Variants in RABGAP1L observed in about 807,000 individuals in gnomAD.
The protein encoded by RABGAP1L is RAB GTPase activating protein 1 like.
In RABGAP1L, 63 loss-of-function variants were observed where a neutral mutation model predicts 137.7. That is an observed-to-expected ratio of 0.46 (90% CI 0.37 to 0.56). RABGAP1L has a LOEUF of 0.56. RABGAP1L is among the 20% of genes least tolerant of loss of function. The pLI, the probability that RABGAP1L is intolerant of heterozygous loss-of-function variation, is 0.00. For missense variants in RABGAP1L, 1,095 were observed against 1,244.0 expected (o/e 0.88, Z 1.80); for synonymous variants, 431 against 433.7 (o/e 0.99, Z 0.08).
intron 20 of RABGAP1L, among the ~76,000 whole-genome samples, chr1:174,966,828 A>G (rs1019935333): frequency 2.0e-5 from 3 of 152,206 alleles, no homozygotes; most frequent in East Asian, 3.8e-4. Flanking sequence ...GGAGGATCCA[A>G]TATGGTTTTG....
At chr1:174,942,549 C>T (rs1405976488) in intron 19 of RABGAP1L, among the ~76,000 whole-genome samples, 1 of 152,192 alleles carries the variant, frequency 6.6e-6, no homozygotes, top group Non-Finnish European at 1.5e-5. Context: ...AGCTGTGTGG[C>T]CTTGGGCAAG....
chr1:174,321,129 A>G (rs750121194), intron 11 of RABGAP1L, among the ~76,000 whole-genome samples: 2 of 152,130 alleles, frequency 1.3e-5, no homozygotes, highest in Non-Finnish European at 2.9e-5. Context: ...AATAAGCCCC[A>G]GTCTCCTGTA....
chr1:174,682,317 T>TACAC lies in RABGAP1L; in HGVS notation c.1825-1185_1825-1182dup, dbSNP rs531495515. ...CTCTCTATACATACATATATATATA[T>TACAC]ACACACACACACACACACACACATA... On this transcript the variant is annotated intron_variant, in intron 14 of 25. Coordinates refer to ENST00000681986, the MANE Select transcript of RABGAP1L (RefSeq NM_001366446.1). 1.4e-4 allele frequency among the ~76,000 whole-genome samples: 21 copies of TACAC among 148,642 alleles called. No individual in the cohort carries two copies. The East Asian group carries it at 2.0e-3, about 14-fold the overall frequency.
rs1187663041 is a variant in RABGAP1L, at chr1:174,761,628, C to G, written c.2211+9274C>G. On this transcript the variant is annotated intron_variant, in intron 18 of 25. Coordinates refer to ENST00000681986, the MANE Select transcript of RABGAP1L (RefSeq NM_001366446.1). This position sits in a 1 kb window ranked among gnomAD's most constrained non-coding sequence, Gnocchi z 4.0. ...GCAGAGGCACTCCTCACTTCCCAGACGGAGACAGTGTGGGGGCCGGACAAG... is the reference window on the plus strand; with the variant it reads ...GCAGAGGCACTCCTCACTTCCCAGAGGGAGACAGTGTGGGGGCCGGACAAG... Among the ~76,000 whole-genome samples, 1 of 152,130 alleles carries G rather than the reference C, an allele frequency of 6.6e-6. No homozygotes were observed. Among genetic ancestry groups the G allele is most frequent in the Admixed American group, 6.6e-5 (1 of 15,258 alleles).
chr1:174,700,927 G>T, intron 16 of RABGAP1L: 1 of 469,932 alleles, frequency 2.1e-6, no homozygotes, highest in Admixed American at 3.8e-5. Flanking sequence ...CAGATGTGTG[G>T]TACTATGAAG....
At chr1:174,191,894 C>T (rs576142827) in intron 1 of RABGAP1L, among the ~76,000 whole-genome samples, 2 of 152,292 alleles carry the variant, frequency 1.3e-5, no homozygotes, top group Admixed American at 1.3e-4. Context: ...TCTAGAAATA[C>T]ATCTACATTA....
At chr1:174,231,460 T>C (rs1670643499) in intron 4 of RABGAP1L, 105 bp downstream of exon 4, 4 of 1,024,878 alleles carry the variant, frequency 3.9e-6, no homozygotes, top group African/African-American at 1.6e-5. Flanking sequence ...ACTCACACTG[T>C]AGACATGCAG....
chr1:174,745,940 G>T (rs142260775), intron 17 of RABGAP1L, among the ~76,000 whole-genome samples: 4 of 152,184 alleles, frequency 2.6e-5, no homozygotes, highest in Non-Finnish European at 5.9e-5. Flanking sequence ...TTATTGACTT[G>T]TTGTTAGGAT....
At chr1:174,722,340 GTATAT>G (rs1442882481) in intron 17 of RABGAP1L, among the ~76,000 whole-genome samples, 3 of 152,054 alleles carry the variant, frequency 2.0e-5, no homozygotes, top group Admixed American at 6.6e-5. Flanking sequence ...TACACGAATG[GTATAT>G]TATATTGTTT....
chr1:174,358,927 G>A (rs1035913314), intron 11 of RABGAP1L, among the ~76,000 whole-genome samples: 6 of 152,124 alleles, frequency 3.9e-5, no homozygotes, highest in African/African-American at 1.4e-4. Context: ...AAAATGTAGA[G>A]GAAAATTATA....
At chr1:174,507,914 T>C (rs930085143) in intron 13 of RABGAP1L, among the ~76,000 whole-genome samples, 3 of 152,176 alleles carry the variant, frequency 2.0e-5, no homozygotes, top group African/African-American at 2.4e-5. Flanking sequence ...TTTCGTTTTG[T>C]ATTCTCTACA....
At chr1:174,458,981 G>C (rs1571903788) in intron 13 of RABGAP1L, among the ~76,000 whole-genome samples, 1 of 152,214 alleles carries the variant, frequency 6.6e-6, no homozygotes, top group South Asian at 2.1e-4. Flanking sequence ...TATGACTTAA[G>C]AGAATTTATA....
intron 11 of RABGAP1L, among the ~76,000 whole-genome samples, chr1:174,354,254 CAATTT>C (rs1320156140): frequency 6.6e-6 from 1 of 150,544 alleles, no homozygotes; most frequent in Non-Finnish European, 1.5e-5. Flanking sequence ...TTTTTAAATT[CAATTT>C]AATTTTTATT....
intron 19 of RABGAP1L, among the ~76,000 whole-genome samples, chr1:174,911,193 T>C (rs1180649181): frequency 3.3e-5 from 5 of 152,230 alleles, no homozygotes; most frequent in Non-Finnish European, 7.3e-5. Flanking sequence ...AGCAAATCCT[T>C]ATCAGCTATA....
Position 174,666,786 on chromosome 1 carries a change from G to C in RABGAP1L, c.1825-16736G>C, listed in dbSNP as rs899443896. ...ACCCAGGTAAGGTTTGTGTGTGAGG[G>C]AGCATTTTGGAGAAAAGAGAATTGT... On this transcript the variant is annotated intron_variant, in intron 14 of 25. Coordinates refer to ENST00000681986, the MANE Select transcript of RABGAP1L (RefSeq NM_001366446.1). Among the ~76,000 whole-genome samples, 5 of 152,196 alleles carry C rather than the reference G, an allele frequency of 3.3e-5. No individual in the cohort carries two copies. In the South Asian group the frequency reaches 1.0e-3, roughly 31 times the overall value.
At chr1:174,795,037 A>G (rs535641904) in intron 18 of RABGAP1L, among the ~76,000 whole-genome samples, 1 of 152,258 alleles carries the variant, frequency 6.6e-6, no homozygotes, top group East Asian at 1.9e-4. Flanking sequence ...TCTCAAGTGC[A>G]AGGCTCTAAC....
At chr1:174,320,720 CTT>C (rs1235392104) in intron 11 of RABGAP1L, among the ~76,000 whole-genome samples, 2 of 152,178 alleles carry the variant, frequency 1.3e-5, no homozygotes, top group Non-Finnish European at 2.9e-5. Context: ...AGTCAATACT[CTT>C]GGGATTTCCT....
chr1:174,536,890 A>T (rs897033484), intron 13 of RABGAP1L, among the ~76,000 whole-genome samples: 13 of 152,140 alleles, frequency 8.5e-5, no homozygotes, highest in African/African-American at 2.9e-4. Flanking sequence ...TAGATATTGG[A>T]TGTTTATTTT....
At chr1:174,482,260 C>T (rs533240379) in intron 13 of RABGAP1L, among the ~76,000 whole-genome samples, 16 of 152,258 alleles carry the variant, frequency 1.1e-4, no homozygotes, top group Admixed American at 9.8e-4. Context: ...TAGTGAGACC[C>T]ATGTCAGACT....
Sources: gnomAD v4.1 joint callset for allele counts (sites outside exome capture counted in the v4.1 genomes callset) on GRCh38, gnomAD v4.1.1 for gene constraint, Gnocchi (gnomAD v3.1) non-coding constraint, MANE v1.5 for transcripts, NCBI Gene and HGNC (gene_info 2026-07-23, HGNC 2026-07-21) for gene names.